Variants in PLA2G5 observed in about 807,000 individuals in gnomAD.
PLA2G5 encodes Ca2+-dependent phospholipase A2.
Under a neutral mutation model 15.9 loss-of-function variants are expected in PLA2G5, and 12 were observed. The ratio of observed to expected loss-of-function variants is 0.76; its 90% CI spans 0.48 to 1.23. The LOEUF (loss-of-function observed/expected upper bound fraction) is 1.23. Ranked by LOEUF, PLA2G5 falls within the 50% of genes most tolerant of loss-of-function variation. PLA2G5 has a pLI of 0.00. For missense variants in PLA2G5, 169 were observed against 177.1 expected (o/e 0.95, Z 0.26); for synonymous variants, 71 against 71.4 (o/e 0.99, Z 0.03).
chr1:20,086,418 G>T (rs371045205), intron 3 of PLA2G5, among the ~76,000 whole-genome samples, 191 bp downstream of exon 3: 1 of 152,188 alleles, frequency 6.6e-6, no homozygotes, highest in Non-Finnish European at 1.5e-5. Context: ...CAACTGTGGC[G>T]TAACAAGTGG....
In PLA2G5 at chr1:20,083,325, C is replaced by T. The variant is rs2016125462; in HGVS notation, c.-10-1496C>T. ...TACTGGACAAGGGCTGGCCTGCCAG[C>T]CCAGTAGCCAGGAGCCCAGGGGAGT... On this transcript the variant is annotated intron_variant, in intron 1 of 4. Transcript: ENST00000375108. Among the ~76,000 whole-genome samples the T allele has an allele frequency of 1.3e-5, 2 of 151,736 alleles. 1 individual carries two copies. The highest frequency in any genetic ancestry group is 4.9e-5 in the African/African-American group (2 of 41,082).
At chr1:20,028,824 A>G (rs2012705274) in intron 1 of PLA2G5, 1 of 152,224 alleles carries the variant, frequency 6.6e-6, no homozygotes, top group Non-Finnish European at 1.5e-5. Context: ...CTGAAACAAG[A>G]AAGGTTCCCT....
chr1:20,065,961 A>T (rs951689858), upstream of PLA2G5: 3 of 152,178 alleles, frequency 2.0e-5, no homozygotes, highest in African/African-American at 7.2e-5. Context: ...GTATGCTATA[A>T]TCACACTTGT....
At chr1:20,065,017 C>G (rs2014944879) in intron 2 of PLA2G5, among the ~76,000 whole-genome samples, 1 of 152,078 alleles carries the variant, frequency 6.6e-6, no homozygotes, top group African/African-American at 2.4e-5. Flanking sequence ...AGACCTGAAA[C>G]AAAGGAAGAA....
intron 1 of PLA2G5, among the ~76,000 whole-genome samples, chr1:20,076,434 C>T (rs1303307141): frequency 6.6e-6 from 1 of 152,210 alleles, no homozygotes; most frequent in Non-Finnish European, 1.5e-5. Flanking sequence ...GGTTAGATGT[C>T]TTGTGAAAAT....
intron 2 of PLA2G5, among the ~76,000 whole-genome samples, chr1:20,060,247 C>CTTTTTT (rs71585739): frequency 0.049 from 4,107 of 83,624 alleles, 401 homozygotes; most frequent in Non-Finnish European, 0.065. Flanking sequence ...CTTTTTTCTT[C>CTTTTTT]TTTTTTTTTT....
intron 1 of PLA2G5, among the ~76,000 whole-genome samples, chr1:20,079,936 T>C (rs2015913832): frequency 1.3e-5 from 2 of 152,044 alleles, no homozygotes; most frequent in African/African-American, 2.4e-5. Flanking sequence ...CATTCTGTGG[T>C]GTTTCTGCAG....
chr1:20,084,875 G>A lies in PLA2G5; in HGVS notation c.40+5G>A. On this transcript the variant is annotated splice_donor_5th_base_variant and intron_variant, in intron 2 of 4. Transcript: ENST00000375108. ...TGGCTTGGTTCCTGGCTTGTAGTAA[G>A]TGCTGGCCCCGTGACCTTCGAATGA... 1 of 1,601,564 alleles carries A rather than the reference G, an allele frequency of 6.2e-7. No individual in the cohort carries two copies. The highest frequency in any genetic ancestry group is 8.6e-7 in the Non-Finnish European group (1 of 1,168,484).
intron 1 of PLA2G5, among the ~76,000 whole-genome samples, chr1:20,040,887 C>G (rs1482614734): frequency 1.3e-5 from 2 of 152,304 alleles, no homozygotes; most frequent in South Asian, 2.1e-4. Flanking sequence ...TCTTATCTAC[C>G]TAAGACCTGG....
chr1:20,056,448 C>T (rs924786782), intron 1 of PLA2G5, among the ~76,000 whole-genome samples: 8 of 152,034 alleles, frequency 5.3e-5, no homozygotes, highest in African/African-American at 1.9e-4. Context: ...TTGTAAAATG[C>T]CTTTTCTGTA....
chr1:20,034,938 A>G (rs1235307018), intron 1 of PLA2G5, among the ~76,000 whole-genome samples: 1 of 151,958 alleles, frequency 6.6e-6, no homozygotes, highest in Non-Finnish European at 1.5e-5. Flanking sequence ...CTAATTGGAG[A>G]CAGGTGTTGG....
rs764382827 is a variant in PLA2G5 at position 20,086,272 on chromosome 1, C to A, written c.185+45C>A. On this transcript the variant is annotated intron_variant, in intron 3 of 4. Coordinates refer to ENST00000375108, the MANE Select transcript of PLA2G5 (RefSeq NM_000929.3). ...TGCCCTTTAGGCTCCAGGCTCTGCA[C>A]CCATGTTTTCTTATTCAATTCCATA... 9 of 1,589,022 alleles carry A rather than the reference C, an allele frequency of 5.7e-6. No individual in the cohort carries two copies. In the South Asian group the frequency reaches 8.9e-5, roughly 16 times the overall value.
At chr1:20,063,749 A>C (rs1362125666) in intron 2 of PLA2G5, 1 of 152,220 alleles carries the variant, frequency 6.6e-6, no homozygotes, top group East Asian at 1.9e-4. Context: ...CAATCATCCC[A>C]ATGTATTGAT....
rs114808232 is a variant in PLA2G5, at chr1:20,057,883, C to T, written n.277-1749C>T. On this transcript the variant is annotated intron_variant and non_coding_transcript_variant, in intron 1 of 6. Transcript: ENST00000460175. ...TTCCTCTTGAGATTTTTTTTTTGAC[C>T]CACGTGTTATTTAGAAGTGTGTTGT... 2.8e-3 allele frequency among the ~76,000 whole-genome samples: 428 copies of T among 151,196 alleles called. 3 individuals are homozygous for T. Among genetic ancestry groups the T allele is most frequent in the African/African-American group, 9.0e-3 (370 of 41,262 alleles).
chr1:20,056,817 G>A (rs527338159), intron 1 of PLA2G5, among the ~76,000 whole-genome samples: 7 of 152,122 alleles, frequency 4.6e-5, no homozygotes, highest in Non-Finnish European at 7.4e-5. Context: ...AATATTGGTG[G>A]AATTTACCAG....
At chr1:20,046,132 C>A (rs2013888772) in intron 1 of PLA2G5, 1 of 152,172 alleles carries the variant, frequency 6.6e-6, no homozygotes, top group Non-Finnish European at 1.5e-5. Flanking sequence ...AGCCTGAGAC[C>A]CATCCCTAGG....
chr1:20,087,804 G>A (rs11573273), intron 3 of PLA2G5, among the ~76,000 whole-genome samples: 2,469 of 152,074 alleles, frequency 0.016, 66 homozygotes, highest in African/African-American at 0.056. Flanking sequence ...TTAAATAAAC[G>A]CAAACAAAAC....
chr1:20,040,652 T>C (rs1265077999), intron 1 of PLA2G5, among the ~76,000 whole-genome samples: 2 of 151,700 alleles, frequency 1.3e-5, no homozygotes, highest in Non-Finnish European at 2.9e-5. Context: ...TACTGATAAC[T>C]CCAATTCCAA....
chr1:20,085,893 T>G (rs1463882874), intron 2 of PLA2G5, among the ~76,000 whole-genome samples, 190 bp from the exon 3 acceptor site: 1 of 152,194 alleles, frequency 6.6e-6, no homozygotes, highest in African/African-American at 2.4e-5. Flanking sequence ...TGCTCATTTT[T>G]CAATTCCAAA....
Sources: allele counts gnomAD v4.1 joint callset (sites outside exome capture counted in the v4.1 genomes callset), GRCh38; gene constraint gnomAD v4.1.1; transcripts MANE v1.5; gene names NCBI Gene and HGNC (gene_info 2026-07-23, HGNC 2026-07-21).